Variants in FILIP1 observed in about 807,000 individuals in gnomAD.
FILIP1 encodes the protein filamin-A-interacting protein 1.
Under a neutral mutation model 102.1 loss-of-function variants are expected in FILIP1, and 61 were observed. The ratio of observed to expected loss-of-function variants is 0.60; its 90% CI spans 0.49 to 0.74. The LOEUF (loss-of-function observed/expected upper bound fraction) is 0.74, where lower values mean the gene tolerates loss of function less well. Ranked by LOEUF, FILIP1 falls within the 30% of genes least tolerant of loss-of-function variation. The pLI is 0.00. For synonymous variants in FILIP1, 491 were observed against 526.9 expected, an observed-to-expected ratio of 0.93 and a Z score of 0.93; for missense variants, 1,314 against 1,441.2, an observed-to-expected ratio of 0.91 and a Z score of 1.43.
chr6:75,336,891 T>G (rs1774261030), intron 4 of FILIP1, among the ~76,000 whole-genome samples: 1 of 152,180 alleles, frequency 6.6e-6, no homozygotes, highest in South Asian at 2.1e-4. Context: ...AGAAGCCTCT[T>G]GGAAGCCAGA....
intron 4 of FILIP1, among the ~76,000 whole-genome samples, chr6:75,349,423 C>A (rs904303855): frequency 5.9e-5 from 9 of 152,042 alleles, no homozygotes; most frequent in Admixed American, 3.3e-4. Context: ...GTCTCACCAC[C>A]GGCGGGAGAA....
At position 75,312,513 on chromosome 6, in the gene FILIP1, T is replaced by G. The variant is rs778523737; in HGVS notation, c.3319A>C (p.Thr1107Pro). 6.2e-7 allele frequency: 1 copy of G among 1,614,192 alleles called. No homozygotes were observed. The highest frequency in any genetic ancestry group is 1.3e-5 in the African/African-American group (1 of 75,044). The change falls in exon 5 of 6, where the codon ACT (threonine) becomes CCT (proline). Residue 1107 changes from threonine (T) to proline (P), a missense_variant. Thr to Pro is a conservative substitution (Grantham distance 38). Transcript: ENST00000237172. ...TGATTCCTGGGAGAGCGAAGGACAG[T>G]GCCGGTGGAAACCTCCTTTTCGGCT... ...VTAEKEVSTGTVLRSPRNHLS... is the reference protein window; with the variant it reads ...VTAEKEVSTGPVLRSPRNHLS...
At chr6:75,441,440 T>A (rs1210314339) in intron 1 of FILIP1, among the ~76,000 whole-genome samples, 14 of 152,048 alleles carry the variant, frequency 9.2e-5, no homozygotes, top group Admixed American at 6.5e-4. Flanking sequence ...TTTCCCCCCC[T>A]TCTATTCCAC....
chr6:75,474,922 C>A (rs1243228929), intron 1 of FILIP1, among the ~76,000 whole-genome samples: 1 of 152,028 alleles, frequency 6.6e-6, no homozygotes, highest in East Asian at 1.9e-4. Flanking sequence ...CCCCCCACCC[C>A]CTTCTCTCCT....
chr6:75,312,796 C>T lies in FILIP1; in HGVS notation c.3036G>A (p.Val1012=), dbSNP rs754595660. ...RPTSPIQIMT[V]STSAAPAEIA... is the part of the protein sequence containing the mutation. ...TCTCAGCTGGTGCTGCTGATGTAGA[C>T]ACCGTCATTATCTGAATAGGGGATG... Residue 1012 remains valine (V), a synonymous_variant, in exon 5 of 6, where the codon GTG becomes GTA. Transcript: ENST00000237172. The T allele has an allele frequency of 6.2e-7, 1 of 1,614,178 alleles. No individual in the cohort carries two copies. The highest frequency in any genetic ancestry group is 8.5e-7 in the Non-Finnish European group (1 of 1,180,044).
chr6:75,414,273 CCTT>C (rs1264382866), intron 2 of FILIP1, among the ~76,000 whole-genome samples: 4 of 151,938 alleles, frequency 2.6e-5, no homozygotes, highest in South Asian at 2.1e-4. Flanking sequence ...CTCTATCTCT[CCTT>C]CTCTCTTTCA....
chr6:75,380,596 C>T (rs2149640236), intron 2 of FILIP1, among the ~76,000 whole-genome samples: 1 of 152,196 alleles, frequency 6.6e-6, no homozygotes, highest in Non-Finnish European at 1.5e-5. Context: ...CATTTATACC[C>T]TTTAATTGAG....
intron 4 of FILIP1, among the ~76,000 whole-genome samples, chr6:75,352,389 G>T (rs532635355): frequency 1.0e-3 from 156 of 152,224 alleles, no homozygotes; most frequent in African/African-American, 3.5e-3. Context: ...TTCAGCCTAG[G>T]GAAGAGAAGG....
intron 4 of FILIP1, among the ~76,000 whole-genome samples, chr6:75,315,568 G>T (rs562408133): frequency 6.6e-6 from 1 of 152,158 alleles, no homozygotes; most frequent in Non-Finnish European, 1.5e-5. Context: ...TAAAACTTAG[G>T]TTGTGCAATA....
At chr6:75,315,972 T>A (rs570684089) in intron 4 of FILIP1, among the ~76,000 whole-genome samples, 6 of 152,348 alleles carry the variant, frequency 3.9e-5, no homozygotes, top group Admixed American at 3.9e-4. Flanking sequence ...ATAAATTGAT[T>A]TTAGTTCACA....
intron 6 of FILIP1, among the ~76,000 whole-genome samples, chr6:75,298,260 G>A (rs977503645): frequency 6.6e-6 from 1 of 152,176 alleles, no homozygotes; most frequent in African/African-American, 2.4e-5. Context: ...GTATGCTAAT[G>A]CTATTAATCA....
At chr6:75,298,664 C>T (rs1013071156) in intron 6 of FILIP1, among the ~76,000 whole-genome samples, 1 of 152,110 alleles carries the variant, frequency 6.6e-6, no homozygotes, top group Non-Finnish European at 1.5e-5. Flanking sequence ...CACCTGTAAT[C>T]CCAGCACTTT....
At chr6:75,476,825 T>C (rs1779487517) in intron 1 of FILIP1, among the ~76,000 whole-genome samples, 1 of 152,138 alleles carries the variant, frequency 6.6e-6, no homozygotes, top group Non-Finnish European at 1.5e-5. Flanking sequence ...GAAAAACAAA[T>C]GTTAAAACCT....
chr6:75,320,925 C>T (rs1391070681), intron 4 of FILIP1, among the ~76,000 whole-genome samples: 3 of 152,204 alleles, frequency 2.0e-5, no homozygotes, highest in Admixed American at 6.5e-5. Context: ...GCTGAACAAC[C>T]TCTATTTAAC....
chr6:75,341,160 T>G (rs1315730284), intron 4 of FILIP1, among the ~76,000 whole-genome samples: 1 of 150,794 alleles, frequency 6.6e-6, no homozygotes, highest in Admixed American at 6.6e-5. Context: ...TTGTTTTGTT[T>G]TTTTTTTTTG....
chr6:75,303,935 A>C (rs907010257), downstream of FILIP1, among the ~76,000 whole-genome samples: 1 of 152,142 alleles, frequency 6.6e-6, no homozygotes, highest in Admixed American at 6.5e-5. Flanking sequence ...CCTAGAAAAC[A>C]ACCAGTCCAG....
chr6:75,320,755 T>C (rs1773625677), intron 4 of FILIP1, among the ~76,000 whole-genome samples: 1 of 152,262 alleles, frequency 6.6e-6, no homozygotes, highest in South Asian at 2.1e-4. Flanking sequence ...CTCTGTCTAA[T>C]GAGCAATGGC....
intron 6 of FILIP1, among the ~76,000 whole-genome samples, chr6:75,297,532 A>T (rs1158687605): frequency 6.6e-6 from 1 of 152,186 alleles, no homozygotes; most frequent in Non-Finnish European, 1.5e-5. Context: ...AGACATACAT[A>T]CTATATTGTA....
At chr6:75,401,996 G>C (rs887175512) in intron 2 of FILIP1, among the ~76,000 whole-genome samples, 3 of 152,102 alleles carry the variant, frequency 2.0e-5, no homozygotes, top group African/African-American at 7.2e-5. Context: ...AGCCATTTAG[G>C]GGGAAATCTC....
Sources: allele counts gnomAD v4.1 joint callset (sites outside exome capture counted in the v4.1 genomes callset), GRCh38; gene constraint gnomAD v4.1.1; transcripts MANE v1.5; gene names NCBI Gene and HGNC (gene_info 2026-07-23, HGNC 2026-07-21).